Variants in SAMD3 observed in about 807,000 individuals in gnomAD.
The protein encoded by SAMD3 is sterile alpha motif domain-containing protein 3.
SAMD3 carries 63 observed loss-of-function variants against 58.5 expected under a neutral mutation model. That is an observed-to-expected ratio of 1.08 (90% CI 0.88 to 1.33). The LOEUF is 1.33. Ranked by LOEUF, SAMD3 falls within the 40% of genes most tolerant of loss-of-function variation. The pLI, the probability that SAMD3 is intolerant of heterozygous loss-of-function variation, is 0.00. For missense variants in SAMD3, 604 were observed against 608.4 expected (o/e 0.99, Z 0.08); for synonymous variants, 220 against 210.3 (o/e 1.05, Z -0.40).
chr6:130,198,817 T>C (rs1794381487), intron 5 of SAMD3, among the ~76,000 whole-genome samples: 1 of 152,166 alleles, frequency 6.6e-6, no homozygotes, highest in Non-Finnish European at 1.5e-5. Flanking sequence ...CTCCAAAAGC[T>C]GTTTTCTAAG....
intron 2 of SAMD3, among the ~76,000 whole-genome samples, chr6:130,245,942 T>C (rs1773528883): frequency 6.6e-6 from 1 of 152,144 alleles, no homozygotes; most frequent in African/African-American, 2.4e-5. Context: ...CAATAGAAAT[T>C]TCAATAACTC....
intron 1 of SAMD3, among the ~76,000 whole-genome samples, chr6:130,344,933 C>G (rs921537298): frequency 6.6e-6 from 1 of 150,744 alleles, no homozygotes; most frequent in Non-Finnish European, 1.5e-5. Flanking sequence ...CCTATGCCCA[C>G]CCCCCTCCAT....
At chr6:130,244,939 G>A (rs970108221) in intron 2 of SAMD3, among the ~76,000 whole-genome samples, 3 of 152,028 alleles carry the variant, frequency 2.0e-5, no homozygotes, top group African/African-American at 4.8e-5. Flanking sequence ...CATTTTCTAG[G>A]GGAACATTGA....
At chr6:130,146,973 CAAAAG>C (rs1198474378) in intron 9 of SAMD3, among the ~76,000 whole-genome samples, 7 of 151,940 alleles carry the variant, frequency 4.6e-5, no homozygotes, top group Admixed American at 2.0e-4. Flanking sequence ...GACCCTGTCT[CAAAAG>C]AAAAGAAAGA....
rs968810474 is a variant in SAMD3, at chr6:130,324,121, A to G, written c.-303-11028T>C. Among the ~76,000 whole-genome samples the G allele has an allele frequency of 5.9e-5, 9 of 152,326 alleles. No homozygotes were observed. The South Asian group carries it at 6.2e-4, about 11-fold the overall frequency. On this transcript the variant is annotated intron_variant, in intron 1 of 13. Coordinates refer to the SAMD3 transcript ENST00000368134. ...AAATAAACCTTCAAAATGTCTTAACATTTTACATAGAGCAAATTACTGTTA... is the reference window on the plus strand; with the variant it reads ...AAATAAACCTTCAAAATGTCTTAACGTTTTACATAGAGCAAATTACTGTTA...
At chr6:130,304,862 T>C (rs1775862549) in intron 2 of SAMD3, among the ~76,000 whole-genome samples, 1 of 151,774 alleles carries the variant, frequency 6.6e-6, no homozygotes, top group Admixed American at 6.6e-5. Flanking sequence ...TTCTACAAAG[T>C]GCTTACATAT....
intron 2 of SAMD3, among the ~76,000 whole-genome samples, chr6:130,247,808 G>T (rs965889987): frequency 3.9e-5 from 6 of 152,182 alleles, no homozygotes; most frequent in South Asian, 2.1e-4. Context: ...TTAGATGAAT[G>T]TTATTATTAG....
At chr6:130,354,804 A>G (rs2115039778) in intron 1 of SAMD3, among the ~76,000 whole-genome samples, 1 of 152,304 alleles carries the variant, frequency 6.6e-6, no homozygotes, top group East Asian at 1.9e-4. Context: ...ACCTGAAATA[A>G]AAGTTAACAA....
chr6:130,276,416 T>A (rs1359379420), intron 2 of SAMD3, among the ~76,000 whole-genome samples: 5 of 152,168 alleles, frequency 3.3e-5, no homozygotes, highest in African/African-American at 9.6e-5. Flanking sequence ...TAAGGTCAGG[T>A]TCTAATACTT....
chr6:130,260,458 A>G (rs1331576309), intron 2 of SAMD3, among the ~76,000 whole-genome samples: 1 of 152,178 alleles, frequency 6.6e-6, no homozygotes, highest in Non-Finnish European at 1.5e-5. Flanking sequence ...ACGGACCCCC[A>G]TAGAGTTGTG....
At chr6:130,164,686 C>A (rs901872606) in intron 8 of SAMD3, among the ~76,000 whole-genome samples, 6 of 151,974 alleles carry the variant, frequency 3.9e-5, no homozygotes, top group African/African-American at 1.5e-4. Flanking sequence ...CTGCTCCTAT[C>A]CCCCTTACCC....
At chr6:130,323,657 T>C (rs1445902527) in intron 1 of SAMD3, among the ~76,000 whole-genome samples, 2 of 151,640 alleles carry the variant, frequency 1.3e-5, no homozygotes, top group Non-Finnish European at 2.9e-5. Flanking sequence ...ACAAAACTTA[T>C]CTGGGCGTGG....
At chr6:130,245,880 G>A (rs75516961) in intron 2 of SAMD3, among the ~76,000 whole-genome samples, 2,569 of 152,196 alleles carry the variant, frequency 0.017, 75 homozygotes, top group African/African-American at 0.059. Flanking sequence ...TCATGCGTGT[G>A]TCTTCCCTCA....
At chr6:130,254,685 T>A (rs894471391) in intron 2 of SAMD3, among the ~76,000 whole-genome samples, 1 of 152,190 alleles carries the variant, frequency 6.6e-6, no homozygotes, top group African/African-American at 2.4e-5. Context: ...ACTGGATAGT[T>A]TTGCTTTGTT....
chr6:130,323,802 C>CAAAAAAAAAAAA lies in SAMD3; in HGVS notation c.-303-10721_-303-10710dup, dbSNP rs766078214. Reference sequence around the variant, plus strand: ...TGGGTCACAGAGGTAGACTCTGTCTCAAAAAAAAAAAAAAAAAAAAAAAGA... The same window carrying CAAAAAAAAAAAA: ...TGGGTCACAGAGGTAGACTCTGTCTCAAAAAAAAAAAAAAAAAAAAAAAAAAAAAAAAAAAGA... On this transcript the variant is annotated intron_variant, in intron 1 of 13. Transcript: ENST00000368134. 7.5e-5 allele frequency among the ~76,000 whole-genome samples: 4 copies of CAAAAAAAAAAAA among 53,544 alleles called. 1 individual carries two copies. The highest frequency in any genetic ancestry group is 2.5e-4 in the African/African-American group (3 of 12,114). 35.1% of individuals were successfully genotyped at this position (53,544 alleles called of 152,430 possible).
At chr6:130,230,364 A>C (rs1470194036) in intron 2 of SAMD3, among the ~76,000 whole-genome samples, 1 of 151,988 alleles carries the variant, frequency 6.6e-6, no homozygotes, top group Non-Finnish European at 1.5e-5. Flanking sequence ...AAGTAAGGCT[A>C]GGTTTGTTCG....
At chr6:130,160,097 G>A (rs1790158024) in intron 8 of SAMD3, 1 of 152,168 alleles carries the variant, frequency 6.6e-6, no homozygotes, top group Admixed American at 6.5e-5. Context: ...TGCACACCCT[G>A]TGAGCCAGTG....
At chr6:130,144,292 A>AACTC (rs3831259), downstream of SAMD3, 74,306 of 510,476 alleles carry the variant, frequency 0.15, 6,124 homozygotes, top group Admixed American at 0.2. Context: ...AATTTCTAAA[A>AACTC]ACTCAAAATA....
intron 8 of SAMD3, among the ~76,000 whole-genome samples, chr6:130,170,576 T>C (rs561614658): frequency 5.9e-5 from 9 of 152,358 alleles, no homozygotes; most frequent in African/African-American, 2.2e-4. Context: ...TTCCTATCCA[T>C]GAGCATGGAA....
Sources: allele counts gnomAD v4.1 joint callset (sites outside exome capture counted in the v4.1 genomes callset), GRCh38; gene constraint gnomAD v4.1.1; transcripts MANE v1.5; gene names NCBI Gene and HGNC (gene_info 2026-07-23, HGNC 2026-07-21).